PDE6B: variants seen among roughly 807,000 people sequenced by gnomAD.
PDE6B encodes the protein phosphodiesterase 6B.
In PDE6B, 106 loss-of-function variants were observed where a neutral mutation model predicts 109.0. The observed-to-expected ratio is 0.97, with a 90% CI of 0.83 to 1.14. The LOEUF (loss-of-function observed/expected upper bound fraction) is 1.14, where lower values mean the gene tolerates loss of function less well. Ranked by LOEUF, PDE6B falls within the 50% of genes most tolerant of loss-of-function variation. The pLI is 0.00. For missense variants in PDE6B, 1,193 were observed against 1,155.6 expected, an observed-to-expected ratio of 1.03 and a Z score of -0.47; for synonymous variants, 490 against 471.3, an observed-to-expected ratio of 1.04 and a Z score of -0.51.
chr4:664,913 C>A lies in PDE6B; in HGVS notation c.2162C>A (p.Ala721Asp), dbSNP rs1371333838. 1 of 1,613,226 alleles carries A rather than the reference C, an allele frequency of 6.2e-7. No individual in the cohort carries two copies. Among genetic ancestry groups the A allele is most frequent in the East Asian group, 2.2e-5 (1 of 44,884 alleles). Reference protein sequence around the residue: ...AMMMTACDLSAITKPWEVQSK... With the variant: ...AMMMTACDLSDITKPWEVQSK... ...ATGATGACAGCCTGCGACCTGTCTG[C>A]CATCACCAAGCCCTGGGAAGTCCAG... The change falls in exon 18 of 22, where the codon GCC (alanine) becomes GAC (aspartate). Residue 721 changes from alanine (A) to aspartate (D), a missense_variant. Transcript: ENST00000496514.
At chr4:629,751 G>A (rs115073856) in intron 1 of PDE6B, among the ~76,000 whole-genome samples, 444 of 152,342 alleles carry the variant, frequency 2.9e-3, no homozygotes, top group Non-Finnish European at 4.7e-3. Flanking sequence ...TGGCAGGACC[G>A]GCCGTCAGCC....
Position 636,860 on chromosome 4 carries a change from C to T in PDE6B, c.711+891C>T, listed in dbSNP as rs191114420. Among the ~76,000 whole-genome samples, 2 of 152,358 alleles carry T rather than the reference C, an allele frequency of 1.3e-5. No individual in the cohort carries two copies. The highest frequency in any genetic ancestry group is 3.9e-4 in the East Asian group (2 of 5,182). On this transcript the variant is annotated intron_variant, in intron 3 of 21. Coordinates refer to ENST00000496514, the MANE Select transcript of PDE6B (RefSeq NM_000283.4). This position sits in a 1 kb window ranked among gnomAD's most constrained non-coding sequence, Gnocchi z 4.5. ...GGAAAGGCGGTCAGGGCCCCTGGGG[C>T]ATCCAGCCATCCAGCCAGTGGACAC...
At chr4:646,632 C>T (rs1735216037) in intron 3 of PDE6B, among the ~76,000 whole-genome samples, 1 of 152,058 alleles carries the variant, frequency 6.6e-6, no homozygotes, top group African/African-American at 2.4e-5. Context: ...CCGCTCGCTC[C>T]GCTCGTGGTT....
chr4:640,304 G>C (rs1441199980), intron 3 of PDE6B, among the ~76,000 whole-genome samples: 1 of 152,082 alleles, frequency 6.6e-6, no homozygotes, highest in Non-Finnish European at 1.5e-5. Context: ...GGGAGGCCAA[G>C]GCAGGCCAAT....
rs775522184 is a variant in PDE6B, at chr4:664,207, G to A, written c.2115G>A (p.Arg705=). 4.3e-5 allele frequency: 69 copies of A among 1,597,500 alleles called. No homozygotes were observed. The highest frequency in any genetic ancestry group is 5.5e-5 in the Non-Finnish European group (64 of 1,165,324). The part of the protein sequence containing the change: ...WVEYLSLETT[R]KEIVMAMMMT... ...AGTACCTGTCCCTGGAGACGACCCG[G>A]AAGGAGATCGTCATGTGAGCGCGGG... The change falls in exon 17 of 22, where the codon CGG becomes CGA. Residue 705 remains arginine (R), a synonymous_variant. Transcript: ENST00000496514.
In PDE6B at chr4:636,565, G is replaced by A. The variant is rs1284970549; in HGVS notation, c.711+596G>A. Among the ~76,000 whole-genome samples the A allele has an allele frequency of 6.6e-6, 1 of 152,096 alleles. No individual in the cohort carries two copies. Among genetic ancestry groups the A allele is most frequent in the East Asian group, 1.9e-4 (1 of 5,190 alleles). On this transcript the variant is annotated intron_variant, in intron 3 of 21. Transcript: ENST00000496514. This position sits in a 1 kb window ranked among gnomAD's most constrained non-coding sequence, Gnocchi z 4.5. ...CTCAGGGGAGACCTGGATGGATAGT[G>A]AGTGGGCTGGGGGAGGGAGGCTCTA...
chr4:666,060 C>A lies in PDE6B; in HGVS notation c.2269-471C>A, dbSNP rs566622035. ...CTGCATGGTTCACCCTCCACCAGGA[C>A]GCTGTGAGGGGACGGACAGCCCAGG... On this transcript the variant is annotated intron_variant, in intron 19 of 21. Coordinates refer to ENST00000496514, the MANE Select transcript of PDE6B (RefSeq NM_000283.4). This position sits in a 1 kb window ranked among gnomAD's most constrained non-coding sequence, Gnocchi z 5.6. Among the ~76,000 whole-genome samples the A allele has an allele frequency of 2.0e-5, 3 of 152,250 alleles. No homozygotes were observed. The highest frequency in any genetic ancestry group is 7.2e-5 in the African/African-American group (3 of 41,538).
chr4:654,753 CTGTG>C (rs144362048), intron 5 of PDE6B, 67 bp from the exon 6 acceptor site: 27 of 808,114 alleles, frequency 3.3e-5, no homozygotes, highest in Non-Finnish European at 5.3e-5. Context: ...CTGCATGTAG[CTGTG>C]TGTGTGTGTG....
chr4:635,606 TCTGCTGGG>T (rs1288622231), intron 2 of PDE6B, among the ~76,000 whole-genome samples: 2 of 152,258 alleles, frequency 1.3e-5, no homozygotes, highest in Non-Finnish European at 2.9e-5. Flanking sequence ...GTGCTGCGCG[TCTGCTGGG>T]CTGCTGGGCT....
intron 3 of PDE6B, among the ~76,000 whole-genome samples, chr4:638,479 C>G (rs547731618): frequency 6.6e-6 from 1 of 152,210 alleles, no homozygotes; most frequent in Non-Finnish European, 1.5e-5. Flanking sequence ...CCCACCACCA[C>G]GCCCAGCTAG....
In PDE6B at chr4:665,456, A is replaced by T; in HGVS notation, c.2268+127A>T. The stretch of plus-strand genomic sequence containing the variant: ...TCTGAGGTCGTGGGGTCCTTATCTC[A>T]CTTTGTGGGATCATGTGACATGCGT... On this transcript the variant is annotated intron_variant, in intron 19 of 21. Transcript: ENST00000496514. The surrounding 1 kb of genome is among the most constrained non-coding windows in gnomAD (Gnocchi z 4.0). The T allele has an allele frequency of 1.4e-6, 1 of 719,326 alleles. No homozygotes were observed. The highest frequency in any genetic ancestry group is 2.6e-6 in the Non-Finnish European group (1 of 390,682). The allele number at this position is 719,326 out of a possible 1,614,324, so 44.6% of individuals were successfully genotyped here. A position where few individuals can be genotyped will look rare whatever the true frequency, so the allele number is the denominator to read the frequency against.
In PDE6B at chr4:637,309, C is replaced by T. The variant is rs191228212; in HGVS notation, c.711+1340C>T. 2.7e-3 allele frequency among the ~76,000 whole-genome samples: 415 copies of T among 151,780 alleles called. 3 individuals carry two copies. The highest frequency in any genetic ancestry group is 9.6e-3 in the African/African-American group (398 of 41,384). ...CCATCTGGGCTCGCTACAACCTCTGCCCCCCCGGTTCAAACGATTTCCTGC... is the reference window on the plus strand; with the variant it reads ...CCATCTGGGCTCGCTACAACCTCTGTCCCCCCGGTTCAAACGATTTCCTGC... On this transcript the variant is annotated intron_variant, in intron 3 of 21. Transcript: ENST00000496514.
At chr4:661,955 C>T (rs1488849520) in intron 12 of PDE6B, 179 bp from the exon 13 acceptor site, 3 of 640,340 alleles carry the variant, frequency 4.7e-6, no homozygotes, top group South Asian at 1.7e-5. Flanking sequence ...AGCCCCTACC[C>T]AGGAAGGCCA....
intron 3 of PDE6B, among the ~76,000 whole-genome samples, chr4:649,469 G>A (rs549830712): frequency 7.9e-4 from 120 of 152,240 alleles, no homozygotes; most frequent in Middle Eastern, 3.4e-3. Flanking sequence ...CCGTCCTAGC[G>A]ACCAGGCCTC....
Position 625,735 on chromosome 4 carries a change from G to C in PDE6B, c.109G>C (p.Glu37Gln). The stretch of plus-strand genomic sequence containing the variant: ...CCCTGAGAATGTGGCCGCGGCCTGC[G>C]AGGACGGGTGCCCGCCGGACTGCGA... ...LSPENVAAAC[E>Q]DGCPPDCDSL... The change falls in exon 1 of 22, where the codon GAG becomes CAG. Residue 37 changes from glutamate (E) to glutamine (Q), a missense_variant. Coordinates refer to ENST00000496514, the MANE Select transcript of PDE6B (RefSeq NM_000283.4). The surrounding 1 kb of genome is among the most constrained non-coding windows in gnomAD (Gnocchi z 5.0). The C allele has an allele frequency of 6.2e-7, 1 of 1,613,454 alleles. No homozygotes were observed. The highest frequency in any genetic ancestry group is 8.5e-7 in the Non-Finnish European group (1 of 1,179,924).
intron 5 of PDE6B, 116 bp downstream of exon 5, chr4:654,270 G>T (rs766612460): frequency 4.3e-6 from 4 of 929,292 alleles, no homozygotes; most frequent in South Asian, 1.4e-5. Context: ...GGAACTGGCC[G>T]GTGGGACCCC....
At chr4:657,314 G>A in intron 9 of PDE6B, 37 bp from the exon 10 acceptor site, 1 of 1,611,654 alleles carries the variant, frequency 6.2e-7, no homozygotes, top group Middle Eastern at 1.7e-4. Flanking sequence ...GGCGCGCCGG[G>A]AGCGCTGAGC....
intron 5 of PDE6B, chr4:654,617 G>A (rs1735976656): frequency 3.1e-6 from 2 of 653,324 alleles, no homozygotes; most frequent in East Asian, 2.7e-5. Context: ...GCCTGTGCAT[G>A]TGTGGACATG....
At chr4:632,997 C>T (rs12331186) in intron 1 of PDE6B, among the ~76,000 whole-genome samples, 3,610 of 152,234 alleles carry the variant, frequency 0.024, 143 homozygotes, top group African/African-American at 0.083. Context: ...GAAACAGTAA[C>T]AGAGACTCTG....
Sources: gnomAD v4.1 joint callset for allele counts (sites outside exome capture counted in the v4.1 genomes callset) on GRCh38, gnomAD v4.1.1 for gene constraint, Gnocchi (gnomAD v3.1) non-coding constraint, MANE v1.5 for transcripts, NCBI Gene and HGNC (gene_info 2026-07-23, HGNC 2026-07-21) for gene names.